The following DNAJC1 variants were observed in gnomAD, a reference collection of about 807,000 sequenced individuals.
DNAJC1 encodes DnaJ heat shock protein family (Hsp40) member C1.
Under a neutral mutation model 76.6 loss-of-function variants are expected in DNAJC1, and 58 were observed. That is an observed-to-expected ratio of 0.76 (90% CI 0.61 to 0.94). The LOEUF (loss-of-function observed/expected upper bound fraction) is 0.94, where lower values mean the gene tolerates loss of function less well. Among genes scored for constraint, DNAJC1 ranks in the 40% least tolerant of loss-of-function variants. The pLI is 0.00. For missense variants in DNAJC1, 689 were observed against 677.3 expected (o/e 1.02, Z -0.19); for synonymous variants, 258 against 267.9 (o/e 0.96, Z 0.36).
Position 21,904,549 on chromosome 10 carries a change from T to G in DNAJC1, c.793A>C (p.Thr265Pro), listed in dbSNP as rs1195056808. Reference sequence around the variant, plus strand: ...TGAAGTGTTTCAAGTTCAGTTCTAGTCAGTGCATCTTCCTTTTCCTTCAAT... The same window carrying G: ...TGAAGTGTTTCAAGTTCAGTTCTAGGCAGTGCATCTTCCTTTTCCTTCAAT... ...TRLKEKEDAL[T>P]RTELETLQKQ... The change falls in exon 7 of 12, where the codon ACT becomes CCT. Residue 265 changes from threonine to proline, a missense_variant. By Grantham distance (38) the Thr-to-Pro change is conservative. Coordinates refer to ENST00000376980, the MANE Select transcript of DNAJC1 (RefSeq NM_022365.4). 4 of 1,604,340 alleles carry G rather than the reference T, an allele frequency of 2.5e-6. No homozygotes were observed. The highest frequency in any genetic ancestry group is 3.4e-6 in the Non-Finnish European group (4 of 1,175,772).
chr10:21,782,201 A>T (rs755269125), intron 9 of DNAJC1, among the ~76,000 whole-genome samples: 2 of 152,212 alleles, frequency 1.3e-5, no homozygotes, highest in Non-Finnish European at 2.9e-5. Flanking sequence ...AAAAATGATA[A>T]AGGGGATATC....
In DNAJC1 at chr10:22,003,556, G is replaced by A. The variant is rs1014961566; in HGVS notation, c.-122C>T. The A allele has an allele frequency of 4.2e-6, 5 of 1,186,110 alleles. No homozygotes were observed. Among genetic ancestry groups the A allele is most frequent in the East Asian group, 3.3e-5 (1 of 30,116 alleles). The allele number at this position is 1,186,110 out of a possible 1,614,324, so 73.5% of individuals were successfully genotyped here. The stretch of plus-strand genomic sequence containing the variant: ...GTGAAAAGCGCGGGCAGGCGCACCG[G>A]AGCGGCCCGCCAGGTGGCTGGCCCC... On this transcript the variant is annotated 5_prime_UTR_variant, in exon 1 of 12. Coordinates refer to ENST00000376980, the MANE Select transcript of DNAJC1 (RefSeq NM_022365.4).
intron 7 of DNAJC1, among the ~76,000 whole-genome samples, chr10:21,902,629 G>A (rs1476141366): frequency 6.6e-6 from 1 of 152,040 alleles, no homozygotes; most frequent in Admixed American, 6.6e-5. Context: ...AAATCTGTTT[G>A]AGAATTACAT....
chr10:21,836,120 C>T lies in DNAJC1; in HGVS notation c.979-30021G>A, dbSNP rs530549199. 2.8e-4 allele frequency among the ~76,000 whole-genome samples: 42 copies of T among 152,288 alleles called. 1 individual carries two copies. The highest frequency in any genetic ancestry group is 2.3e-3 in the East Asian group (12 of 5,188). On this transcript the variant is annotated intron_variant, in intron 8 of 11. Transcript: ENST00000376980. ...AAAGGGAAGCCCATCAGACTAACAG[C>T]GGATCTCTCGGCAGAAACTCTACAA...
intron 1 of DNAJC1, among the ~76,000 whole-genome samples, chr10:21,988,543 T>C (rs1055624353): frequency 1.1e-4 from 17 of 152,306 alleles, no homozygotes; most frequent in African/African-American, 3.4e-4. Context: ...GTGTACTCTA[T>C]AAACTGCTTA....
chr10:21,846,247 TAAAC>T (rs1271790468), intron 8 of DNAJC1, among the ~76,000 whole-genome samples: 1 of 152,186 alleles, frequency 6.6e-6, no homozygotes, highest in East Asian at 1.9e-4. Context: ...TAATAAATAA[TAAAC>T]AAACATTAAC....
At chr10:21,916,303 C>T (rs1208455811) in intron 6 of DNAJC1, among the ~76,000 whole-genome samples, 1 of 152,102 alleles carries the variant, frequency 6.6e-6, no homozygotes, top group Non-Finnish European at 1.5e-5. Flanking sequence ...TCCTGGCTAA[C>T]ACGGTGAAAC....
chr10:21,834,039 C>T (rs1054269439), intron 8 of DNAJC1, among the ~76,000 whole-genome samples: 25 of 151,742 alleles, frequency 1.6e-4, no homozygotes, highest in African/African-American at 4.1e-4. Flanking sequence ...CTGAGGTGGG[C>T]GGACCACGAG....
At chr10:21,901,092 C>T (rs1481942679) in intron 7 of DNAJC1, among the ~76,000 whole-genome samples, 1 of 152,164 alleles carries the variant, frequency 6.6e-6, no homozygotes, top group Non-Finnish European at 1.5e-5. Flanking sequence ...ACTTCAGTCC[C>T]TTTCTGGGGC....
chr10:21,773,567 T>C (rs1834415680), intron 9 of DNAJC1, among the ~76,000 whole-genome samples: 1 of 152,232 alleles, frequency 6.6e-6, no homozygotes, highest in African/African-American at 2.4e-5. Context: ...TCCTGGACAA[T>C]GTTCCATGTG....
chr10:21,800,462 T>C (rs771421424), intron 9 of DNAJC1, among the ~76,000 whole-genome samples: 4 of 152,170 alleles, frequency 2.6e-5, no homozygotes, highest in Non-Finnish European at 4.4e-5. Flanking sequence ...AAAATAGATA[T>C]GAGTGAAAAG....
intron 6 of DNAJC1, among the ~76,000 whole-genome samples, chr10:21,906,587 AAG>A (rs776531030): frequency 2.2e-4 from 34 of 152,134 alleles, no homozygotes; most frequent in Non-Finnish European, 3.7e-4. Flanking sequence ...TGAGAGGTAA[AAG>A]AAAGTAGGCT....
intron 8 of DNAJC1, among the ~76,000 whole-genome samples, chr10:21,837,060 G>T (rs986764520): frequency 6.6e-6 from 1 of 152,222 alleles, no homozygotes; most frequent in Non-Finnish European, 1.5e-5. Flanking sequence ...GCAGGCGTGC[G>T]CCGCCACGCC....
intron 1 of DNAJC1, among the ~76,000 whole-genome samples, chr10:21,989,271 T>C (rs534322974): frequency 2.4e-4 from 37 of 152,312 alleles, no homozygotes; most frequent in African/African-American, 8.2e-4. Context: ...TGTTCCAACA[T>C]GAAAACTGCA....
At chr10:21,991,493 A>G (rs1393651161) in intron 1 of DNAJC1, among the ~76,000 whole-genome samples, 1 of 152,168 alleles carries the variant, frequency 6.6e-6, no homozygotes, top group East Asian at 1.9e-4. Context: ...TAGATAAGTA[A>G]CTAGGAATAT....
In DNAJC1 at chr10:21,960,649, T is replaced by A. The variant is rs1019234391; in HGVS notation, c.223-31508A>T. On this transcript the variant is annotated intron_variant, in intron 1 of 11. Transcript: ENST00000376980. Reference sequence around the variant, plus strand: ...AGGCTGCAGTAAGCCAAAGTTGCACTGCTGCACTCCAGCCCAGAGGACAGA... The same window carrying A: ...AGGCTGCAGTAAGCCAAAGTTGCACAGCTGCACTCCAGCCCAGAGGACAGA... Among the ~76,000 whole-genome samples the A allele has an allele frequency of 5.3e-5, 8 of 152,282 alleles. No homozygotes were observed. The South Asian group carries it at 1.7e-3, about 32-fold the overall frequency.
chr10:21,891,726 C>T (rs955870685), intron 7 of DNAJC1, among the ~76,000 whole-genome samples: 5 of 152,038 alleles, frequency 3.3e-5, no homozygotes, highest in South Asian at 2.1e-4. Context: ...AATATCTTAC[C>T]GGCATGAAGG....
intron 8 of DNAJC1, among the ~76,000 whole-genome samples, chr10:21,864,492 T>C (rs1464063762): frequency 1.3e-5 from 2 of 151,762 alleles, no homozygotes; most frequent in East Asian, 3.9e-4. Flanking sequence ...CGTGGTGGCA[T>C]GCGCCTGTAG....
intron 8 of DNAJC1, among the ~76,000 whole-genome samples, chr10:21,835,738 G>T (rs528071208): frequency 6.6e-6 from 1 of 152,114 alleles, no homozygotes; most frequent in Admixed American, 6.6e-5. Context: ...GATGGAAGAC[G>T]AACTGAATGA....
Sources: allele counts gnomAD v4.1 joint callset (sites outside exome capture counted in the v4.1 genomes callset), GRCh38; gene constraint gnomAD v4.1.1; transcripts MANE v1.5; gene names NCBI Gene and HGNC (gene_info 2026-07-23, HGNC 2026-07-21).